DZIP1: variants seen among roughly 807,000 people sequenced by gnomAD.
DZIP1 encodes the protein cilium assembly protein DZIP1.
In DZIP1, 97 loss-of-function variants were observed where a neutral mutation model predicts 107.6. The observed-to-expected ratio is 0.90, with a 90% CI of 0.77 to 1.07. The LOEUF is 1.07. DZIP1 is among the 50% of genes least tolerant of loss of function. The pLI is 0.00. For synonymous variants in DZIP1, 390 were observed against 386.4 expected (o/e 1.01, Z -0.11); for missense variants, 1,035 against 1,063.6 (o/e 0.97, Z 0.37).
At chr13:95,630,889 A>C (rs1012188411) in intron 6 of DZIP1, 1 of 433,248 alleles carries the variant, frequency 2.3e-6, no homozygotes, top group African/African-American at 2.1e-5. Flanking sequence ...ATACTGAAAC[A>C]GAAGAGAAAG....
At chr13:95,638,636 A>AACAC (rs3051404) in intron 5 of DZIP1, among the ~76,000 whole-genome samples, 89,628 of 149,688 alleles carry the variant, frequency 0.6, 29,325 homozygotes, top group Non-Finnish European at 0.75. Context: ...CCTTATACAC[A>AACAC]ACACACACAC....
intron 5 of DZIP1, among the ~76,000 whole-genome samples, 177 bp from the exon 6 acceptor site, chr13:95,633,498 C>T (rs1877443320): frequency 6.6e-6 from 1 of 151,764 alleles, no homozygotes; most frequent in Admixed American, 6.6e-5. Context: ...GCCTGGCCAA[C>T]ATGATGAAAC....
intron 9 of DZIP1, 109 bp downstream of exon 9, chr13:95,622,234 A>G (rs1875956135): frequency 7.2e-7 from 1 of 1,397,156 alleles, no homozygotes; most frequent in Non-Finnish European, 9.9e-7. Flanking sequence ...AGTCACCTTC[A>G]GGGTTACTAA....
chr13:95,609,332 A>G, intron 13 of DZIP1, 125 bp downstream of exon 13: 1 of 529,506 alleles, frequency 1.9e-6, no homozygotes, highest in Non-Finnish European at 3.1e-6. Context: ...AAAATAAATC[A>G]TTATGTGATC....
intron 14 of DZIP1, among the ~76,000 whole-genome samples, chr13:95,604,656 G>A (rs987851968): frequency 6.6e-6 from 1 of 152,110 alleles, no homozygotes; most frequent in African/African-American, 2.4e-5. Context: ...CTACCAGGGT[G>A]TCCTTTAGTT....
intron 20 of DZIP1, among the ~76,000 whole-genome samples, chr13:95,586,576 C>T (rs1193162990): frequency 6.6e-6 from 1 of 151,808 alleles, no homozygotes; most frequent in South Asian, 2.1e-4. Context: ...GTGAGATAAC[C>T]TGCATGAGTG....
chr13:95,606,125 T>C (rs2044767167), intron 13 of DZIP1, 66 bp from the exon 14 acceptor site: 3 of 1,538,732 alleles, frequency 1.9e-6, no homozygotes, highest in South Asian at 1.1e-5. Flanking sequence ...CCGAACATGA[T>C]GGTAGCCAAA....
intron 16 of DZIP1, among the ~76,000 whole-genome samples, chr13:95,592,613 AC>A (rs888930652): frequency 2.0e-5 from 3 of 152,204 alleles, no homozygotes; most frequent in African/African-American, 7.2e-5. Context: ...CTACCCTTTG[AC>A]TCAGCAATTT....
intron 14 of DZIP1, among the ~76,000 whole-genome samples, chr13:95,601,924 C>T (rs542475978): frequency 2.0e-5 from 3 of 152,280 alleles, no homozygotes; most frequent in South Asian, 2.1e-4. Flanking sequence ...AGTCTCATCA[C>T]CACAAAGCAG....
chr13:95,597,005 C>T (rs376930268), intron 15 of DZIP1, among the ~76,000 whole-genome samples: 5 of 152,320 alleles, frequency 3.3e-5, no homozygotes, highest in Middle Eastern at 6.8e-3. Flanking sequence ...TCAGCACTCT[C>T]CTGTCTACCA....
At chr13:95,630,279 G>A (rs1462477512) in intron 6 of DZIP1, among the ~76,000 whole-genome samples, 166 bp from the exon 7 acceptor site, 1 of 152,086 alleles carries the variant, frequency 6.6e-6, no homozygotes, top group African/African-American at 2.4e-5. Context: ...AGTTTATTTG[G>A]AGCCCAGTGT....
At chr13:95,591,244 G>A (rs2044305499) in intron 16 of DZIP1, among the ~76,000 whole-genome samples, 1 of 151,990 alleles carries the variant, frequency 6.6e-6, no homozygotes, top group African/African-American at 2.4e-5. Flanking sequence ...GGCCAGGCTA[G>A]TCTCGAACTC....
chr13:95,609,832 G>T (rs2044921667), intron 12 of DZIP1, among the ~76,000 whole-genome samples: 1 of 152,026 alleles, frequency 6.6e-6, no homozygotes, highest in Admixed American at 6.6e-5. Context: ...AAAACAAGAG[G>T]GAGGAAACCC....
intron 7 of DZIP1, among the ~76,000 whole-genome samples, chr13:95,626,615 T>TA (rs1594723433): frequency 1.3e-5 from 2 of 152,128 alleles, no homozygotes; most frequent in East Asian, 1.9e-4. Flanking sequence ...CCAACTATTT[T>TA]AAAAAAATAA....
At chr13:95,619,989 A>G (rs759410371) in intron 9 of DZIP1, 42 bp from the exon 10 acceptor site, 4 of 1,603,668 alleles carry the variant, frequency 2.5e-6, no homozygotes, top group Non-Finnish European at 3.4e-6. Flanking sequence ...AACTGTAACA[A>G]TGAGATCTAT....
chr13:95,631,907 C>T (rs1877241353), intron 6 of DZIP1, among the ~76,000 whole-genome samples: 1 of 152,184 alleles, frequency 6.6e-6, no homozygotes, highest in African/African-American at 2.4e-5. Flanking sequence ...GTGCCAAGGT[C>T]ACCAACAACC....
intron 5 of DZIP1, among the ~76,000 whole-genome samples, chr13:95,633,905 C>T (rs879296931): frequency 2.1e-4 from 32 of 152,114 alleles, no homozygotes; most frequent in Middle Eastern, 3.4e-3. Flanking sequence ...GGCAACATGG[C>T]GAGAGCCCAT....
chr13:95,636,403 T>TG, intron 5 of DZIP1, among the ~76,000 whole-genome samples: 1 of 151,840 alleles, frequency 6.6e-6, no homozygotes, highest in African/African-American at 2.4e-5. Flanking sequence ...ATTAGCCAGA[T>TG]GTGGTAGCAC....
At position 95,582,119 on chromosome 13, in the gene DZIP1, T is replaced by C. The variant is rs1363686423; in HGVS notation, c.*115A>G. The C allele has an allele frequency of 8.7e-6, 8 of 923,696 alleles. No individual in the cohort carries two copies. The African/African-American group carries it at 1.3e-4, about 15-fold the overall frequency. 57.2% of individuals were successfully genotyped at this position (923,696 alleles called of 1,614,324 possible). A position where few individuals can be genotyped will look rare whatever the true frequency, so the allele number is the denominator to read the frequency against. On this transcript the variant is annotated 3_prime_UTR_variant, in exon 23 of 23. Coordinates refer to ENST00000376829, the MANE Select transcript of DZIP1 (RefSeq NM_198968.4). The stretch of plus-strand genomic sequence containing the variant: ...CCATTGTTCTTTGAATCAGTCTCTG[T>C]GTTGCTGTGGGAAACACGGTAAGGC...
Sources: allele counts gnomAD v4.1 joint callset (sites outside exome capture counted in the v4.1 genomes callset), GRCh38; gene constraint gnomAD v4.1.1; transcripts MANE v1.5; gene names NCBI Gene and HGNC (gene_info 2026-07-23, HGNC 2026-07-21).